Variants in RTCB observed in about 807,000 individuals in gnomAD.
RTCB encodes RNA 2',3'-cyclic phosphate and 5'-OH ligase.
RTCB carries 32 observed loss-of-function variants against 58.2 expected under a neutral mutation model. The ratio of observed to expected loss-of-function variants is 0.55; its 90% CI spans 0.41 to 0.74. The LOEUF is 0.74. Ranked by LOEUF, RTCB falls within the 30% of genes least tolerant of loss-of-function variation. The pLI is 0.00. For synonymous variants in RTCB, 247 were observed against 218.6 expected (o/e 1.13, Z -1.15); for missense variants, 523 against 639.0 (o/e 0.82, Z 1.96).
intron 3 of RTCB, 91 bp downstream of exon 3, chr22:32,408,084 G>T: frequency 8.4e-7 from 1 of 1,193,992 alleles, no homozygotes; most frequent in Non-Finnish European, 1.2e-6. Flanking sequence ...AAAGGTCATT[G>T]TCTAAATGAC....
rs1004556563 is a variant in RTCB at position 32,396,022 on chromosome 22, C to T, written c.990+52G>A. The T allele has an allele frequency of 4.4e-6, 7 of 1,579,412 alleles. No individual in the cohort carries two copies. The African/African-American group carries it at 8.1e-5, about 18-fold the overall frequency. ...GCCTGGACTGCACTATGTTTTAAAG[C>T]ACTTAACATCATCATGAATGACTCG... On this transcript the variant is annotated intron_variant, in intron 8 of 11. Coordinates refer to ENST00000216038, the MANE Select transcript of RTCB (RefSeq NM_014306.5).
At chr22:32,403,904 G>T (rs1933379183) in intron 4 of RTCB, among the ~76,000 whole-genome samples, 1 of 152,176 alleles carries the variant, frequency 6.6e-6, no homozygotes, top group African/African-American at 2.4e-5. Flanking sequence ...AACATTTTTA[G>T]ATTGCACATA....
chr22:32,411,332 C>T (rs1381976708), intron 1 of RTCB, among the ~76,000 whole-genome samples: 1 of 152,114 alleles, frequency 6.6e-6, no homozygotes, highest in African/African-American at 2.4e-5. Flanking sequence ...AAAATATGAG[C>T]ACAGATGGTG....
intron 1 of RTCB, 39 bp downstream of exon 1, chr22:32,412,025 G>T (rs115236369): frequency 0.015 from 23,678 of 1,529,082 alleles, 232 homozygotes; most frequent in Non-Finnish European, 0.018. Context: ...GGCCGGGGAC[G>T]GAGCACGGAA....
chr22:32,401,973 T>C, intron 4 of RTCB, 70 bp from the exon 5 acceptor site: 1 of 1,458,826 alleles, frequency 6.9e-7, no homozygotes, highest in Non-Finnish European at 9.4e-7. Context: ...TCGCCATTAA[T>C]ATGGAACTAT....
chr22:32,396,087 A>G lies in RTCB; in HGVS notation c.977T>C (p.Phe326Ser), dbSNP rs201364972. 2 of 1,614,038 alleles carry G rather than the reference A, an allele frequency of 1.2e-6. No individual in the cohort carries two copies. The highest frequency in any genetic ancestry group is 1.7e-6 in the Non-Finnish European group (2 of 1,179,930). ...CTTCTACTGTACCTGACGGGTTAAGAAGGTCATGGAAGAGCGGTTGACCCA... is the reference window on the plus strand; with the variant it reads ...CTTCTACTGTACCTGACGGGTTAAGGAGGTCATGGAAGAGCGGTTGACCCA... ...YAWVNRSSMTFLTRQAFAKVF... is the reference protein window; with the variant it reads ...YAWVNRSSMTSLTRQAFAKVF... Residue 326 changes from phenylalanine (F) to serine (S), a missense_variant, in exon 8 of 12, where the codon TTC becomes TCC. Physicochemically the swap from Phe to Ser is radical, Grantham distance 155 (BLOSUM62 -2). Coordinates refer to ENST00000216038, the MANE Select transcript of RTCB (RefSeq NM_014306.5).
intron 1 of RTCB, among the ~76,000 whole-genome samples, 184 bp downstream of exon 1, chr22:32,411,880 G>C (rs184049911): frequency 6.6e-6 from 1 of 152,162 alleles, no homozygotes; most frequent in African/African-American, 2.4e-5. Flanking sequence ...CTCTCCTGGC[G>C]GGAGGTGGTG....
chr22:32,398,023 T>G lies in RTCB; in HGVS notation c.732A>C (p.Lys244Asn). The G allele has an allele frequency of 6.2e-7, 1 of 1,614,232 alleles. No homozygotes were observed. Among genetic ancestry groups the G allele is most frequent in the Non-Finnish European group, 8.5e-7 (1 of 1,180,040 alleles). The change falls in exon 7 of 12, where the codon AAA becomes AAC. Residue 244 changes from lysine to asparagine, a missense_variant. This residue lies in a region of RTCB where 141 missense variants were observed against 216.7 expected (regional missense o/e 0.65). Transcript: ENST00000216038. ...GTCCCTTATGGTCGATGCCCATTTTTTTAGCAGCATACTCATTGAAAATCT... is the reference window on the plus strand; with the variant it reads ...GTCCCTTATGGTCGATGCCCATTTTGTTAGCAGCATACTCATTGAAAATCT... ...VDEIFNEYAA[K>N]KMGIDHKGQV...
intron 6 of RTCB, 52 bp from the exon 7 acceptor site, chr22:32,398,152 T>C (rs191766818): frequency 1.3e-6 from 2 of 1,566,378 alleles, no homozygotes; most frequent in Non-Finnish European, 1.7e-6. Flanking sequence ...GTTTTTTTTT[T>C]AATCTATTTA....
intron 11 of RTCB, among the ~76,000 whole-genome samples, chr22:32,390,749 G>A (rs967735741): frequency 2.0e-5 from 3 of 152,118 alleles, no homozygotes; most frequent in Admixed American, 6.5e-5. Context: ...CACCTGGCCA[G>A]TATATTCCAA....
intron 6 of RTCB, among the ~76,000 whole-genome samples, chr22:32,398,368 A>G (rs1356406503): frequency 3.9e-5 from 6 of 152,138 alleles, no homozygotes; most frequent in Non-Finnish European, 4.4e-5. Flanking sequence ...AAAACCAAAC[A>G]CCACGGGTTC....
chr22:32,410,722 CT>C (rs5844994), intron 1 of RTCB, among the ~76,000 whole-genome samples: 58,467 of 140,144 alleles, frequency 0.42, 11,932 homozygotes, highest in Middle Eastern at 0.56. Flanking sequence ...TTTTTCTTTT[CT>C]TTTTTTTTTT....
chr22:32,395,204 T>G lies in RTCB; in HGVS notation c.1001A>C (p.Lys334Thr). The G allele has an allele frequency of 6.2e-7, 1 of 1,614,094 alleles. No homozygotes were observed. The highest frequency in any genetic ancestry group is 8.5e-7 in the Non-Finnish European group (1 of 1,179,948). ...GTCATCAGGGGTTGTGTTGAAGACC[T>G]TGGCGAAAGCCTAGGAGAAAACACA... ...MTFLTRQAFA[K>T]VFNTTPDDLD... The change falls in exon 9 of 12, where the codon AAG becomes ACG. Residue 334 changes from lysine (K) to threonine (T), a missense_variant. Around this residue, in one of 3 missense-constraint regions of RTCB, gnomAD observed 248 missense variants for 292.5 expected, o/e 0.85. Coordinates refer to ENST00000216038, the MANE Select transcript of RTCB (RefSeq NM_014306.5).
At chr22:32,395,374 A>C (rs953509158) in intron 8 of RTCB, among the ~76,000 whole-genome samples, 160 bp from the exon 9 acceptor site, 1 of 152,254 alleles carries the variant, frequency 6.6e-6, no homozygotes, top group African/African-American at 2.4e-5. Flanking sequence ...AAAGGACAAA[A>C]GCTGTCCTTT....
At position 32,401,890 on chromosome 22, in the gene RTCB, A is replaced by T; in HGVS notation, c.354T>A (p.Phe118Leu). 1.2e-6 allele frequency: 2 copies of T among 1,614,034 alleles called. No homozygotes were observed. The highest frequency in any genetic ancestry group is 1.7e-6 in the Non-Finnish European group (2 of 1,179,924). ...EAVVSPGGVGFDINCGVRLLR... is the reference protein window; with the variant it reads ...EAVVSPGGVGLDINCGVRLLR... ...GCAAGCGGACACCACAGTTGATGTC[A>T]AACCCGACACCACCTACAAAATAGA... Residue 118 changes from phenylalanine (F) to leucine (L), a missense_variant, in exon 5 of 12, where the codon TTT becomes TTA. By Grantham distance (22) the Phe-to-Leu change is conservative. Transcript: ENST00000216038.
In RTCB at chr22:32,406,688, T is replaced by C. The variant is rs1046001890; in HGVS notation, c.314A>G (p.Asn105Ser). ...AIGNMAAFDM[N>S]DPEAVVSPGG... ...TGGGGATACTACTGCTTCAGGGTCA[T>C]TCATATCAAAGGCTGCCATGTTCCC... Residue 105 changes from asparagine (N) to serine (S), a missense_variant, in exon 4 of 12, where the codon AAT (asparagine) becomes AGT (serine). This residue lies in a region of RTCB where 134 missense variants were observed against 129.9 expected (regional missense o/e 1.03). Coordinates refer to ENST00000216038, the MANE Select transcript of RTCB (RefSeq NM_014306.5). 2 of 1,612,230 alleles carry C rather than the reference T, an allele frequency of 1.2e-6. No homozygotes were observed. The highest frequency in any genetic ancestry group is 1.7e-6 in the Non-Finnish European group (2 of 1,178,620).
At chr22:32,390,517 C>T (rs1349944371) in intron 11 of RTCB, among the ~76,000 whole-genome samples, 1 of 151,534 alleles carries the variant, frequency 6.6e-6, no homozygotes, top group Non-Finnish European at 1.5e-5. Context: ...AGCGCGATCT[C>T]GGCTCACTGC....
chr22:32,393,453 ATGGGCT>A (rs993918853), intron 10 of RTCB, among the ~76,000 whole-genome samples: 5 of 152,132 alleles, frequency 3.3e-5, no homozygotes, highest in Admixed American at 2.0e-4. Context: ...TAGACTGTAC[ATGGGCT>A]CTAATTTGCA....
chr22:32,410,801 G>A (rs1933507739), intron 1 of RTCB, among the ~76,000 whole-genome samples: 1 of 150,154 alleles, frequency 6.7e-6, no homozygotes, highest in Non-Finnish European at 1.5e-5. Context: ...CTGCAGCCAA[G>A]ATCTCCCAGG....
Sources: gnomAD v4.1 joint callset for allele counts (sites outside exome capture counted in the v4.1 genomes callset) on GRCh38, gnomAD v4.1.1 for gene constraint, gnomAD v4.1.1 regional missense constraint, MANE v1.5 for transcripts, NCBI Gene and HGNC (gene_info 2026-07-23, HGNC 2026-07-21) for gene names.